The following TRIOBP variants were observed in gnomAD, a reference collection of about 807,000 sequenced individuals.
TRIOBP encodes TRIO and F-actin-binding protein.
Under a neutral mutation model 238.8 loss-of-function variants are expected in TRIOBP, and 169 were observed. The observed-to-expected ratio is 0.71, with a 90% CI of 0.62 to 0.80. The LOEUF is 0.80. TRIOBP is among the 30% of genes least tolerant of loss of function. The pLI is 0.00. For synonymous variants in TRIOBP, 1,150 were observed against 1,274.4 expected, an observed-to-expected ratio of 0.90 and a Z score of 2.08; for missense variants, 2,838 against 3,122.6, an observed-to-expected ratio of 0.91 and a Z score of 2.17.
At chr22:37,751,461 C>T (rs905611480) in intron 11 of TRIOBP, 2 of 458,036 alleles carry the variant, frequency 4.4e-6, no homozygotes, top group African/African-American at 4.0e-5. Flanking sequence ...CTCCCAGCCC[C>T]TCTCTCCCAT....
intron 6 of TRIOBP, among the ~76,000 whole-genome samples, chr22:37,721,001 G>T (rs937073019): frequency 1.1e-4 from 17 of 151,654 alleles, no homozygotes; most frequent in African/African-American, 4.1e-4. Flanking sequence ...GGGATTACAG[G>T]CATGCACTAC....
At chr22:37,756,783 C>T (rs200228625) in intron 15 of TRIOBP, among the ~76,000 whole-genome samples, 1 of 140,264 alleles carries the variant, frequency 7.1e-6, no homozygotes, top group Non-Finnish European at 1.5e-5. Context: ...ACCACGTACC[C>T]AGCTATGACT....
chr22:37,775,928 C>A lies in TRIOBP; in HGVS notation c.*2148C>A, dbSNP rs1266294803. 1 of 152,224 alleles carries A rather than the reference C, an allele frequency of 6.6e-6. No homozygotes were observed. The highest frequency in any genetic ancestry group is 1.5e-5 in the Non-Finnish European group (1 of 68,058). The allele number at this position is 152,224 out of a possible 1,614,324, so 9.4% of individuals were successfully genotyped here. ...ATCAAATCCTCCGGCCTTGTGCTGC[C>A]CTGTCTCGGCACTGCTTGCCTTAGG... On this transcript the variant is annotated 3_prime_UTR_variant, in exon 24 of 24. Transcript: ENST00000644935.
intron 10 of TRIOBP, among the ~76,000 whole-genome samples, chr22:37,739,665 G>A (rs1044152873): frequency 6.6e-6 from 1 of 152,176 alleles, no homozygotes; most frequent in African/African-American, 2.4e-5. Flanking sequence ...GCGTGGCTTC[G>A]AACGGCAGTG....
intron 2 of TRIOBP, among the ~76,000 whole-genome samples, chr22:37,700,599 T>C (rs1202235211): frequency 1.3e-5 from 2 of 152,162 alleles, no homozygotes; most frequent in Non-Finnish European, 2.9e-5. Flanking sequence ...GTATTTTTTG[T>C]AGAGACGGAG....
At chr22:37,768,866 G>T (rs998061905) in intron 19 of TRIOBP, among the ~76,000 whole-genome samples, 162 bp from the exon 20 acceptor site, 2 of 151,998 alleles carry the variant, frequency 1.3e-5, no homozygotes, top group African/African-American at 2.4e-5. Context: ...AACACCTGTA[G>T]CCCAGAGAAG....
rs1021519445 is a variant in TRIOBP, at chr22:37,702,995, T to C, written c.114+1516T>C. Reference sequence around the variant, plus strand: ...AGGAGTGAAGAAGAATCCTTTTTTTTCTTTCTTTTTTTTTCATTTGAGACG... The same window carrying C: ...AGGAGTGAAGAAGAATCCTTTTTTTCCTTTCTTTTTTTTTCATTTGAGACG... On this transcript the variant is annotated intron_variant, in intron 3 of 23. Transcript: ENST00000644935. Among the ~76,000 whole-genome samples, 17 of 151,476 alleles carry C rather than the reference T, an allele frequency of 1.1e-4. No individual in the cohort carries two copies. In the East Asian group the frequency reaches 3.1e-3, roughly 28 times the overall value.
chr22:37,756,106 C>T (rs1461719481), intron 15 of TRIOBP, among the ~76,000 whole-genome samples: 1 of 152,170 alleles, frequency 6.6e-6, no homozygotes, highest in Non-Finnish European at 1.5e-5. Context: ...CAGTTTATAC[C>T]CAGATGCCCA....
At chr22:37,704,477 A>G (rs866172463) in intron 3 of TRIOBP, among the ~76,000 whole-genome samples, 2 of 121,554 alleles carry the variant, frequency 1.6e-5, no homozygotes, top group Admixed American at 8.2e-5. Context: ...GGGGGAGGGG[A>G]AGGGGGAGGG....
At chr22:37,702,129 G>T (rs905817340) in intron 3 of TRIOBP, among the ~76,000 whole-genome samples, 2 of 151,962 alleles carry the variant, frequency 1.3e-5, no homozygotes, top group East Asian at 3.9e-4. Flanking sequence ...AAACAAAAAA[G>T]AGAAGAAAGG....
intron 17 of TRIOBP, chr22:37,759,867 C>T: frequency 1.4e-6 from 1 of 724,500 alleles, no homozygotes; most frequent in Non-Finnish European, 1.9e-6. Flanking sequence ...TGTGTGTGTA[C>T]ACATATATAA....
Position 37,765,699 on chromosome 22 carries a change from G to A in TRIOBP, c.6354G>A (p.Met2118Ile). ...CATGTGAGCGCAGCCTGGCAGAGAT[G>A]GAGTCCTCGCACCAGCAGGTGATGG... is the stretch of plus-strand genomic sequence containing the variant. ...QEACERSLAEMESSHQQVMEE... is the reference protein window; with the variant it reads ...QEACERSLAEIESSHQQVMEE... Residue 2118 changes from methionine (M) to isoleucine (I), a missense_variant, in exon 18 of 24, where the codon ATG (methionine) becomes ATA (isoleucine). Transcript: ENST00000644935. The A allele has an allele frequency of 6.4e-7, 1 of 1,553,558 alleles. No individual in the cohort carries two copies. The highest frequency in any genetic ancestry group is 1.2e-5 in the South Asian group (1 of 84,244).
At position 37,726,375 on chromosome 22, in the gene TRIOBP, G is replaced by T; in HGVS notation, c.3819G>T (p.Leu1273=). Residue 1273 remains leucine, a synonymous_variant, in exon 7 of 24, where the codon CTG becomes CTT. Coordinates refer to ENST00000644935, the MANE Select transcript of TRIOBP (RefSeq NM_001039141.3). ...HNLEREEYTV[L]ADLPPPRRLA... ...TGGAGCGGGAGGAGTACACTGTGCT[G>T]GCCGACCTGCCCCCACCCAGGAGGC... is the stretch of plus-strand genomic sequence containing the variant. 1 of 1,594,740 alleles carries T rather than the reference G, an allele frequency of 6.3e-7. No homozygotes were observed. The highest frequency in any genetic ancestry group is 1.3e-5 in the African/African-American group (1 of 74,676).
intron 5 of TRIOBP, among the ~76,000 whole-genome samples, chr22:37,715,450 C>T (rs1395881476): frequency 2.0e-5 from 3 of 152,190 alleles, no homozygotes; most frequent in Non-Finnish European, 4.4e-5. Context: ...TCACACCATT[C>T]TCCTGCCTCA....
chr22:37,714,058 C>T (rs889147253), intron 5 of TRIOBP, among the ~76,000 whole-genome samples: 3 of 152,188 alleles, frequency 2.0e-5, no homozygotes, highest in African/African-American at 7.2e-5. Flanking sequence ...TGGGTGTGGG[C>T]TCAGGGGAGA....
intron 21 of TRIOBP, 47 bp downstream of exon 21, chr22:37,769,422 C>T (rs370390781): frequency 1.1e-4 from 162 of 1,513,676 alleles, no homozygotes; most frequent in African/African-American, 2.1e-4. Flanking sequence ...TCTCGGGGCC[C>T]GGGGCTATGG....
At chr22:37,703,185 A>G (rs940624347) in intron 3 of TRIOBP, among the ~76,000 whole-genome samples, 1 of 151,858 alleles carries the variant, frequency 6.6e-6, no homozygotes, top group African/African-American at 2.4e-5. Flanking sequence ...TAGTAGAGAC[A>G]GGGTTTCACC....
At chr22:37,719,430 G>A (rs1923707316) in intron 6 of TRIOBP, among the ~76,000 whole-genome samples, 2 of 152,070 alleles carry the variant, frequency 1.3e-5, no homozygotes, top group Middle Eastern at 3.4e-3. Flanking sequence ...TGTGGGATTT[G>A]CGAGCCCTGA....
In TRIOBP at chr22:37,734,521, C is replaced by T; in HGVS notation, c.4185C>T (p.Pro1395=). 1 of 1,605,036 alleles carries T rather than the reference C, an allele frequency of 6.2e-7. No individual in the cohort carries two copies. Among genetic ancestry groups the T allele is most frequent in the Non-Finnish European group, 8.5e-7 (1 of 1,176,456 alleles). Reference sequence around the variant, plus strand: ...GGCAGCTCCAGGGGTCCCCGCTGCCCCCCAGGACATCAGCCAGGACCCCTG... The same window carrying T: ...GGCAGCTCCAGGGGTCCCCGCTGCCTCCCAGGACATCAGCCAGGACCCCTG... ...GDRQLQGSPL[P]PRTSARTPER... The change falls in exon 9 of 24, where the codon CCC becomes CCT. Residue 1395 remains proline (P), a synonymous_variant. Transcript: ENST00000644935.
Sources: gnomAD v4.1 joint callset for allele counts (sites outside exome capture counted in the v4.1 genomes callset) on GRCh38, gnomAD v4.1.1 for gene constraint, MANE v1.5 for transcripts, NCBI Gene and HGNC (gene_info 2026-07-23, HGNC 2026-07-21) for gene names.